DIS3L2: variants seen among roughly 807,000 people sequenced by gnomAD.
DIS3L2 encodes the protein DIS3-like exonuclease 2.
Under a neutral mutation model 97.5 loss-of-function variants are expected in DIS3L2, and 34 were observed. The observed-to-expected ratio is 0.35, with a 90% CI of 0.27 to 0.46. The LOEUF (loss-of-function observed/expected upper bound fraction) is 0.46, where lower values mean the gene tolerates loss of function less well. DIS3L2 is among the 20% of genes least tolerant of loss of function. DIS3L2 has a pLI of 1.00. For synonymous variants in DIS3L2, 435 were observed against 445.2 expected (o/e 0.98, Z 0.29); for missense variants, 1,038 against 1,146.0 (o/e 0.91, Z 1.36).
At chr2:232,309,087 C>T (rs1026751120) in intron 14 of DIS3L2, among the ~76,000 whole-genome samples, 2 of 152,302 alleles carry the variant, frequency 1.3e-5, no homozygotes, top group African/African-American at 4.8e-5. Flanking sequence ...AGGGCTTTCC[C>T]GTGCTGGCAT....
At chr2:231,966,889 G>C (rs955019207) in intron 1 of DIS3L2, among the ~76,000 whole-genome samples, 2 of 151,734 alleles carry the variant, frequency 1.3e-5, no homozygotes, top group African/African-American at 2.4e-5. Context: ...GGATTTGAAG[G>C]GTTTTTCGTA....
chr2:232,200,275 G>A lies in DIS3L2; in HGVS notation c.1125-10051G>A, dbSNP rs143527970. Among the ~76,000 whole-genome samples, 22 of 152,276 alleles carry A rather than the reference G, an allele frequency of 1.4e-4. No individual in the cohort carries two copies. In the East Asian group the frequency reaches 3.9e-3, roughly 27 times the overall value. On this transcript the variant is annotated intron_variant, in intron 9 of 20. Transcript: ENST00000325385. ...ATTGCCAGTTTTTAGGCCACAAATA[G>A]TCAAATATTAACAATTTCATGTGAT...
At chr2:232,267,443 G>T (rs1693881262) in intron 13 of DIS3L2, among the ~76,000 whole-genome samples, 1 of 152,196 alleles carries the variant, frequency 6.6e-6, no homozygotes, top group Non-Finnish European at 1.5e-5. Context: ...GGTTGGATGG[G>T]TTGAGTAATA....
rs1695843852 is a variant in DIS3L2 at position 232,333,786 on chromosome 2, G to T, written c.2011-54G>T. The T allele has an allele frequency of 6.2e-6, 9 of 1,462,368 alleles. No homozygotes were observed. In the Middle Eastern group the frequency reaches 5.5e-4, roughly 89 times the overall value. 90.6% of individuals were successfully genotyped at this position (1,462,368 alleles called of 1,614,324 possible). Reference sequence around the variant, plus strand: ...GGCTGTGGGTGGTGCCAGCCTTCCAGGCCTGGCTGGGCAGCTCTGGGCTTG... The same window carrying T: ...GGCTGTGGGTGGTGCCAGCCTTCCATGCCTGGCTGGGCAGCTCTGGGCTTG... On this transcript the variant is annotated intron_variant, in intron 16 of 20. Coordinates refer to ENST00000325385, the MANE Select transcript of DIS3L2 (RefSeq NM_152383.5).
chr2:232,260,671 G>A (rs1693691500), intron 12 of DIS3L2: 1 of 152,216 alleles, frequency 6.6e-6, no homozygotes, highest in African/African-American at 2.4e-5. Context: ...ATAAGACTTT[G>A]CTCTGGATAA....
chr2:232,341,931 C>T (rs1696109370), downstream of DIS3L2, among the ~76,000 whole-genome samples: 2 of 152,222 alleles, frequency 1.3e-5, no homozygotes, highest in Non-Finnish European at 2.9e-5. Context: ...ACGCAGACCC[C>T]CAACCTGCAA....
chr2:232,099,482 T>C (rs556412104), intron 6 of DIS3L2, among the ~76,000 whole-genome samples: 1 of 152,338 alleles, frequency 6.6e-6, no homozygotes, highest in Admixed American at 6.5e-5. Context: ...CCCAAAGTGC[T>C]GGGATTACAG....
At chr2:232,216,586 AT>A (rs368432805) in intron 10 of DIS3L2, among the ~76,000 whole-genome samples, 3,970 of 145,106 alleles carry the variant, frequency 0.027, 74 homozygotes, top group African/African-American at 0.052. Context: ...CCACCTTTCC[AT>A]TTTTTTTTTC....
chr2:232,095,382 G>T (rs1037613846), intron 6 of DIS3L2, among the ~76,000 whole-genome samples: 1 of 152,066 alleles, frequency 6.6e-6, no homozygotes, highest in Non-Finnish European at 1.5e-5. Context: ...CCCATTATTT[G>T]AAACTGATAA....
chr2:232,055,895 A>G (rs1695535128), intron 5 of DIS3L2, among the ~76,000 whole-genome samples: 1 of 152,220 alleles, frequency 6.6e-6, no homozygotes, highest in Admixed American at 6.5e-5. Context: ...CAAGTGGTGC[A>G]AGGCTGATTG....
At position 232,228,771 on chromosome 2, in the gene DIS3L2, CTT is replaced by C. The variant is rs562680142; in HGVS notation, c.1205-9760_1205-9759del. Among the ~76,000 whole-genome samples, 5 of 152,278 alleles carry C rather than the reference CTT, an allele frequency of 3.3e-5. No homozygotes were observed. In the East Asian group the frequency reaches 9.6e-4, roughly 29 times the overall value. ...TGTTTTATTCTAAAAATCCAAGACTCTTTACCAAGTAACACACTTATTATTCA... is the reference window on the plus strand; with the variant it reads ...TGTTTTATTCTAAAAATCCAAGACTCTACCAAGTAACACACTTATTATTCA... On this transcript the variant is annotated intron_variant, in intron 10 of 20. Coordinates refer to ENST00000325385, the MANE Select transcript of DIS3L2 (RefSeq NM_152383.5).
intron 13 of DIS3L2, among the ~76,000 whole-genome samples, chr2:232,282,214 T>G (rs569552537): frequency 6.7e-6 from 1 of 148,940 alleles, no homozygotes; most frequent in East Asian, 2.0e-4. Flanking sequence ...CAGTGATAGA[T>G]GAGGGCGTAT....
At chr2:232,069,338 A>T (rs1695945120) in intron 5 of DIS3L2, among the ~76,000 whole-genome samples, 1 of 152,222 alleles carries the variant, frequency 6.6e-6, no homozygotes, top group Admixed American at 6.5e-5. Context: ...TAAAAGGGGA[A>T]TAATCTTTCA....
chr2:231,983,696 C>T (rs1349189066), intron 1 of DIS3L2, among the ~76,000 whole-genome samples: 2 of 152,084 alleles, frequency 1.3e-5, no homozygotes, highest in Non-Finnish European at 2.9e-5. Context: ...CAAGACCATC[C>T]TGCCTAACAC....
At chr2:232,166,176 T>C (rs1690807238) in intron 9 of DIS3L2, among the ~76,000 whole-genome samples, 2 of 152,056 alleles carry the variant, frequency 1.3e-5, no homozygotes, top group Admixed American at 1.3e-4. Flanking sequence ...GGAGGATTGT[T>C]TGAGCCTGGG....
chr2:231,995,117 T>A (rs1372816316), intron 1 of DIS3L2, among the ~76,000 whole-genome samples: 1 of 152,236 alleles, frequency 6.6e-6, no homozygotes, highest in Admixed American at 6.5e-5. Context: ...TTTAAAAATA[T>A]TCTGTAGTTG....
chr2:232,343,671 G>A, exon 14 of DIS3L2: 2 of 1,326,460 alleles, frequency 1.5e-6, no homozygotes, highest in Non-Finnish European at 2.1e-6. Context: ...AAAAGGTCCA[G>A]TAGAAAAGGA....
intron 6 of DIS3L2, among the ~76,000 whole-genome samples, chr2:232,095,253 T>G (rs914232582): frequency 6.6e-6 from 1 of 152,226 alleles, no homozygotes; most frequent in African/African-American, 2.4e-5. Flanking sequence ...TGTCTTCCTT[T>G]TAGTGAAAGT....
At position 232,249,320 on chromosome 2, in the gene DIS3L2, A is replaced by G; in HGVS notation, c.1399A>G (p.Ile467Val). 3 of 1,614,202 alleles carry G rather than the reference A, an allele frequency of 1.9e-6. No individual in the cohort carries two copies. The highest frequency in any genetic ancestry group is 2.5e-6 in the Non-Finnish European group (3 of 1,180,042). Residue 467 changes from isoleucine (I) to valine (V), a missense_variant, in exon 12 of 21, where the codon ATC becomes GTC. Around this residue, in one of 3 missense-constraint regions of DIS3L2, gnomAD observed 813 missense variants for 880.1 expected, o/e 0.92. Transcript: ENST00000325385. ...PMSDKLTFSV[I>V]WTLTPEGKIL... ...GTCCGACAAGCTGACCTTCTCTGTG[A>G]TCTGGACACTGACTCCAGAGGGCAA...
Sources: allele counts gnomAD v4.1 joint callset (sites outside exome capture counted in the v4.1 genomes callset), GRCh38; gene constraint gnomAD v4.1.1; regional missense constraint gnomAD v4.1.1; transcripts MANE v1.5; gene names NCBI Gene and HGNC (gene_info 2026-07-23, HGNC 2026-07-21).